The following PCF11 variants were observed in gnomAD, a reference collection of about 807,000 sequenced individuals.
The protein encoded by PCF11 is pre-mRNA cleavage complex 2 protein Pcf11.
A neutral mutation model predicts 166.1 loss-of-function variants in PCF11; 19 were observed. The ratio of observed to expected loss-of-function variants is 0.11; its 90% confidence interval spans 0.08 to 0.17. The LOEUF (loss-of-function observed/expected upper bound fraction) is 0.17, where lower values mean the gene tolerates loss of function less well. Among genes scored for constraint, PCF11 ranks in the 10% least tolerant of loss-of-function variants. The pLI is 1.00. For synonymous variants in PCF11, 663 were observed against 644.1 expected (o/e 1.03, Z -0.44); for missense variants, 1,565 against 1,855.5 (o/e 0.84, Z 2.88).
intron 2 of PCF11, among the ~76,000 whole-genome samples, chr11:83,163,126 T>C (rs1025468521): frequency 1.5e-4 from 23 of 152,208 alleles, no homozygotes; most frequent in African/African-American, 5.5e-4. Context: ...GAAAAGTTAT[T>C]TAAAACTAAG....
chr11:83,186,246 T>C (rs1861287316), exon 16 of PCF11: 1 of 152,220 alleles, frequency 6.6e-6, no homozygotes, highest in African/African-American at 2.4e-5. Flanking sequence ...GTGGTGACAT[T>C]TGAGTCTTGG....
At chr11:83,160,742 G>C (rs1439579918) in intron 1 of PCF11, among the ~76,000 whole-genome samples, 1 of 152,146 alleles carries the variant, frequency 6.6e-6, no homozygotes, top group African/African-American at 2.4e-5. Flanking sequence ...TAACAAACTT[G>C]CAACTTCCTG....
exon 8 of PCF11, chr11:83,169,671 A>T: frequency 6.2e-7 from 1 of 1,614,000 alleles, no homozygotes; most frequent in Non-Finnish European, 8.5e-7. Context: ...TTGGTCTTCA[A>T]GGCACAAGAT....
At chr11:83,159,280 G>A (rs1490263349) in intron 1 of PCF11, among the ~76,000 whole-genome samples, 1 of 151,992 alleles carries the variant, frequency 6.6e-6, no homozygotes, top group African/African-American at 2.4e-5. Flanking sequence ...AAACATCTTG[G>A]ACATGAAAAC....
rs1382931505 is a variant in PCF11 at position 83,167,453 on chromosome 11, T to C, written c.2040T>C (p.Asp680=). The change falls in exon 7 of 16, where the codon GAT becomes GAC. Residue 680 remains aspartate (D), a synonymous_variant. Transcript: ENST00000298281. The surrounding 1 kb of genome is among the most constrained non-coding windows in gnomAD (Gnocchi z 4.2). Reference sequence around the variant, plus strand: ...TAGCATCTGGTGAAATTACACAGGATGACTTCCTTGTTGTTGTGCATCAAA... The same window carrying C: ...TAGCATCTGGTGAAATTACACAGGACGACTTCCTTGTTGTTGTGCATCAAA... 6.2e-7 allele frequency: 1 copy of C among 1,609,328 alleles called. No individual in the cohort carries two copies. Among genetic ancestry groups the C allele is most frequent in the Non-Finnish European group, 8.5e-7 (1 of 1,178,112 alleles).
Position 83,165,988 on chromosome 11 carries a change from C to T in PCF11, c.1091C>T (p.Ser364Leu), listed in dbSNP as rs758443668. ...GAACTTGACCAATTAGATTCTAAATCGAAATCGAAATCGAAATCACCCTCA... is the reference window on the plus strand; with the variant it reads ...GAACTTGACCAATTAGATTCTAAATTGAAATCGAAATCGAAATCACCCTCA... Residue 364 changes from serine (S) to leucine (L), a missense_variant, in exon 5 of 16, where the codon TCG (serine) becomes TTG (leucine). Around this residue, in one of 12 missense-constraint regions of PCF11, gnomAD observed 468 missense variants for 483.4 expected, o/e 0.97. Coordinates refer to ENST00000298281, the Ensembl canonical transcript of PCF11. 1.2e-4 allele frequency: 185 copies of T among 1,596,192 alleles called. No homozygotes were observed. The highest frequency in any genetic ancestry group is 1.7e-4 in the Middle Eastern group (1 of 5,964).
At position 83,167,232 on chromosome 11, in the gene PCF11, A is replaced by T. The variant is rs760016520; in HGVS notation, c.1925A>T (p.His642Leu). 1 of 1,613,880 alleles carries T rather than the reference A, an allele frequency of 6.2e-7. No homozygotes were observed. Among genetic ancestry groups the T allele is most frequent in the Non-Finnish European group, 8.5e-7 (1 of 1,179,788 alleles). The change falls in exon 6 of 16, where the codon CAT becomes CTT. Residue 642 changes from histidine to leucine, a missense_variant. His to Leu is a moderately conservative substitution (Grantham distance 99). Transcript: ENST00000298281. This position sits in a 1 kb window ranked among gnomAD's most constrained non-coding sequence, Gnocchi z 4.2. ...CCTCGAGCCCCAAAGCAGCAACAGC[A>T]TCGATTAAGTGTAGATGCCAATCTT...
chr11:83,176,844 A>AC (rs1191189753), intron 9 of PCF11, among the ~76,000 whole-genome samples: 2 of 152,054 alleles, frequency 1.3e-5, no homozygotes, highest in Non-Finnish European at 2.9e-5. Context: ...TAATAAAAAA[A>AC]CAAAAAAAAA....
chr11:83,170,542 C>T (rs1035186983), intron 8 of PCF11, among the ~76,000 whole-genome samples: 11 of 152,214 alleles, frequency 7.2e-5, no homozygotes, highest in Admixed American at 2.0e-4. Context: ...GACAACATAG[C>T]GAATAGCCTT....
At chr11:83,164,004 G>T in intron 3 of PCF11, 137 bp downstream of exon 3, 1 of 596,608 alleles carries the variant, frequency 1.7e-6, no homozygotes, top group African/African-American at 1.9e-5. Flanking sequence ...AAAAAATAGT[G>T]TGTATATGTT....
exon 8 of PCF11, chr11:83,169,186 G>C (rs1229183013): frequency 6.2e-7 from 1 of 1,613,660 alleles, no homozygotes; most frequent in South Asian, 1.1e-5. Flanking sequence ...GCTACAGCAA[G>C]GGGTTGGAAT....
At chr11:83,160,198 A>G (rs1487364636) in intron 1 of PCF11, among the ~76,000 whole-genome samples, 2 of 151,948 alleles carry the variant, frequency 1.3e-5, no homozygotes, top group Non-Finnish European at 2.9e-5. Flanking sequence ...TGGTTTTATT[A>G]TATATGATGG....
chr11:83,173,558 A>T (rs1409504828), intron 9 of PCF11, among the ~76,000 whole-genome samples: 1 of 149,830 alleles, frequency 6.7e-6, no homozygotes, highest in African/African-American at 2.4e-5. Flanking sequence ...GATATAGTAT[A>T]TGCAAAAGTA....
At position 83,157,651 on chromosome 11, in the gene PCF11, C is replaced by T. The variant is rs1860042865; in HGVS notation, c.192+20C>T. 7 of 1,604,152 alleles carry T rather than the reference C, an allele frequency of 4.4e-6. No individual in the cohort carries two copies. The highest frequency in any genetic ancestry group is 1.3e-5 in the African/African-American group (1 of 74,856). On this transcript the variant is annotated intron_variant, in intron 1 of 15. Coordinates refer to ENST00000298281, the Ensembl canonical transcript of PCF11. ...GCCAAGGTTTTTATACACCCCGCAGCCTCCTATTACTTCTAATACTCCCTG... is the reference window on the plus strand; with the variant it reads ...GCCAAGGTTTTTATACACCCCGCAGTCTCCTATTACTTCTAATACTCCCTG...
In PCF11 at chr11:83,166,727, C is replaced by G; in HGVS notation, c.1817+13C>G. On this transcript the variant is annotated intron_variant, in intron 5 of 15. Transcript: ENST00000298281. Reference sequence around the variant, plus strand: ...AAGAAAATAAAAGGTATGATGTTAACATTTTAAGTCAAGTGTAGTAGTGTA... The same window carrying G: ...AAGAAAATAAAAGGTATGATGTTAAGATTTTAAGTCAAGTGTAGTAGTGTA... 2 of 1,565,994 alleles carry G rather than the reference C, an allele frequency of 1.3e-6. No homozygotes were observed. Among genetic ancestry groups the G allele is most frequent in the Non-Finnish European group, 1.7e-6 (2 of 1,161,652 alleles).
intron 10 of PCF11, 40 bp from the exon 11 acceptor site, chr11:83,177,674 A>C (rs1200772209): frequency 4.0e-6 from 4 of 1,010,448 alleles, no homozygotes; most frequent in Non-Finnish European, 6.0e-6. Context: ...ATACATGGAG[A>C]ATGGTATTAA....
At chr11:83,174,526 GC>G (rs1860809506) in intron 9 of PCF11, among the ~76,000 whole-genome samples, 1 of 151,196 alleles carries the variant, frequency 6.6e-6, no homozygotes, top group African/African-American at 2.4e-5. Context: ...GCCTCAAAGA[GC>G]TTTATAATAT....
At chr11:83,166,449 G>A in exon 5 of PCF11, 1 of 1,613,984 alleles carries the variant, frequency 6.2e-7, no homozygotes, top group East Asian at 2.2e-5. Context: ...GACACCTAAA[G>A]CTGGAAAGAT....
At position 83,157,647 on chromosome 11, in the gene PCF11, G is replaced by T. The variant is rs377085297; in HGVS notation, c.192+16G>T. 1.9e-5 allele frequency: 31 copies of T among 1,608,812 alleles called. No individual in the cohort carries two copies. The highest frequency in any genetic ancestry group is 2.5e-5 in the Non-Finnish European group (29 of 1,175,414). On this transcript the variant is annotated intron_variant, in intron 1 of 15. Coordinates refer to ENST00000298281, the Ensembl canonical transcript of PCF11. Reference sequence around the variant, plus strand: ...AACCGCCAAGGTTTTTATACACCCCGCAGCCTCCTATTACTTCTAATACTC... The same window carrying T: ...AACCGCCAAGGTTTTTATACACCCCTCAGCCTCCTATTACTTCTAATACTC...
Sources: allele counts gnomAD v4.1 joint callset (sites outside exome capture counted in the v4.1 genomes callset), GRCh38; gene constraint gnomAD v4.1.1; regional missense constraint gnomAD v4.1.1; non-coding constraint Gnocchi (gnomAD v3.1); transcripts MANE v1.5; gene names NCBI Gene and HGNC (gene_info 2026-07-23, HGNC 2026-07-21).